The following CDH8 variants were observed in gnomAD, a reference collection of about 807,000 sequenced individuals.
The protein encoded by CDH8 is cadherin 8, also known as cadherin-8.
A neutral mutation model predicts 68.1 loss-of-function variants in CDH8; 17 were observed. The ratio of observed to expected loss-of-function variants is 0.25; its 90% CI spans 0.17 to 0.37. The LOEUF is 0.37. Ranked by LOEUF, CDH8 falls within the 10% of genes least tolerant of loss-of-function variation. The probability of loss-of-function intolerance (pLI) is 1.00; values close to 1 mark genes in which losing one functional copy is unlikely to be tolerated. For synonymous variants in CDH8, 372 were observed against 365.1 expected, an observed-to-expected ratio of 1.02 and a Z score of -0.21; for missense variants, 763 against 999.3, an observed-to-expected ratio of 0.76 and a Z score of 3.19.
intron 10 of CDH8, among the ~76,000 whole-genome samples, chr16:61,678,777 G>A (rs11642726): frequency 0.27 from 41,464 of 151,814 alleles, 5,848 homozygotes; most frequent in African/African-American, 0.32. Context: ...ATAATTGTAG[G>A]AAGCCATATT....
intron 2 of CDH8, among the ~76,000 whole-genome samples, chr16:61,964,738 TTCTC>T (rs1323159802): frequency 6.6e-6 from 1 of 152,082 alleles, no homozygotes; most frequent in African/African-American, 2.4e-5. Flanking sequence ...GCACAATCGA[TTCTC>T]TCTCCTAACT....
chr16:61,992,077 T>TGAGAGA (rs1555527811), intron 2 of CDH8, among the ~76,000 whole-genome samples: 12 of 144,246 alleles, frequency 8.3e-5, no homozygotes, highest in African/African-American at 3.1e-4. Flanking sequence ...TGTGTGTGTG[T>TGAGAGA]GAGAGAGAGA....
chr16:61,718,099 G>A (rs144017040), intron 9 of CDH8, among the ~76,000 whole-genome samples: 2 of 151,260 alleles, frequency 1.3e-5, no homozygotes, highest in Non-Finnish European at 3.0e-5. Flanking sequence ...CAATATGCCA[G>A]GCGTCCTCAA....
At chr16:61,844,118 C>T (rs1227319716) in intron 4 of CDH8, among the ~76,000 whole-genome samples, 1 of 151,898 alleles carries the variant, frequency 6.6e-6, no homozygotes, top group African/African-American at 2.4e-5. Flanking sequence ...GACTTCATGT[C>T]CTTTGTAGGG....
chr16:61,934,253 G>GAA (rs1258187462), intron 2 of CDH8: 2 of 152,118 alleles, frequency 1.3e-5, no homozygotes, highest in African/African-American at 4.8e-5. Flanking sequence ...AGAAGCTTTA[G>GAA]AGGAAAAATA....
At chr16:61,712,170 C>T (rs1467775785) in intron 10 of CDH8, among the ~76,000 whole-genome samples, 1 of 151,626 alleles carries the variant, frequency 6.6e-6, no homozygotes, top group Non-Finnish European at 1.5e-5. Context: ...CTTTTACCTT[C>T]TACTAATTCC....
intron 7 of CDH8, among the ~76,000 whole-genome samples, chr16:61,798,126 C>T (rs948242867): frequency 6.6e-6 from 1 of 151,830 alleles, no homozygotes; most frequent in Non-Finnish European, 1.5e-5. Context: ...AACTTTTTTC[C>T]CCTGGAGCCA....
At chr16:61,935,958 A>G (rs940346257) in intron 2 of CDH8, among the ~76,000 whole-genome samples, 3 of 152,154 alleles carry the variant, frequency 2.0e-5, no homozygotes, top group Admixed American at 2.0e-4. Context: ...GAAGGTTTAC[A>G]GCACAAGCTC....
chr16:61,699,369 G>T (rs1055102633), intron 10 of CDH8, among the ~76,000 whole-genome samples: 2 of 152,078 alleles, frequency 1.3e-5, no homozygotes, highest in African/African-American at 4.8e-5. Context: ...CTTTTAAGAA[G>T]AAAATGAACA....
rs370316637 is a variant in CDH8 at position 61,653,753 on chromosome 16, C to G, written c.2255G>C (p.Arg752Pro). The G allele has an allele frequency of 1.2e-6, 2 of 1,614,050 alleles. No individual in the cohort carries two copies. Among genetic ancestry groups the G allele is most frequent in the African/African-American group, 1.3e-5 (1 of 74,904 alleles). Residue 752 changes from arginine to proline, a missense_variant, in exon 12 of 12, where the codon CGA becomes CCA. This residue lies in a region of CDH8 where 397 missense variants were observed against 436.2 expected (regional missense o/e 0.91). Coordinates refer to ENST00000577390, the MANE Select transcript of CDH8 (RefSeq NM_001796.5). ...DSIQIYGYEGRGSVAGSLSSL... is the reference protein window; with the variant it reads ...DSIQIYGYEGPGSVAGSLSSL... ...GCTGAGGGAGCCAGCCACTGACCCTCGGCCTTCATAGCCATATATCTGAAT... is the reference window on the plus strand; with the variant it reads ...GCTGAGGGAGCCAGCCACTGACCCTGGGCCTTCATAGCCATATATCTGAAT...
At chr16:61,739,061 T>C (rs551675414) in intron 8 of CDH8, among the ~76,000 whole-genome samples, 1 of 152,306 alleles carries the variant, frequency 6.6e-6, no homozygotes, top group African/African-American at 2.4e-5. Flanking sequence ...GTAAACTAAG[T>C]CTTCTTTGCA....
chr16:61,968,101 G>A (rs1483817685), intron 2 of CDH8, among the ~76,000 whole-genome samples: 2 of 152,140 alleles, frequency 1.3e-5, no homozygotes, highest in Admixed American at 6.5e-5. Context: ...CAACCGGGCT[G>A]GGCCTAGAGA....
intron 3 of CDH8, among the ~76,000 whole-genome samples, chr16:61,867,279 G>T (rs1341607079): frequency 6.6e-6 from 1 of 152,088 alleles, no homozygotes; most frequent in Non-Finnish European, 1.5e-5. Flanking sequence ...TCCTATTTGA[G>T]CCCTTCATTG....
intron 10 of CDH8, among the ~76,000 whole-genome samples, chr16:61,685,696 A>G (rs1039027768): frequency 2.6e-5 from 4 of 152,026 alleles, no homozygotes; most frequent in African/African-American, 9.6e-5. Context: ...AGCAAGGTCA[A>G]TTTATTATTA....
intron 7 of CDH8, among the ~76,000 whole-genome samples, chr16:61,804,245 A>C (rs944449657): frequency 4.6e-5 from 7 of 152,038 alleles, no homozygotes; most frequent in African/African-American, 1.7e-4. Context: ...ATGAAGGCAG[A>C]AATAAAGATG....
intron 2 of CDH8, among the ~76,000 whole-genome samples, chr16:62,005,329 G>A (rs1000560525): frequency 1.3e-5 from 2 of 152,162 alleles, no homozygotes; most frequent in Non-Finnish European, 2.9e-5. Context: ...CCTGGCCTGC[G>A]TTATGTAGCA....
At chr16:61,997,066 T>A (rs1264975077) in intron 2 of CDH8, among the ~76,000 whole-genome samples, 2 of 152,030 alleles carry the variant, frequency 1.3e-5, no homozygotes, top group African/African-American at 4.8e-5. Flanking sequence ...AGTGTTTTTT[T>A]AAAAAAGAAT....
intron 2 of CDH8, among the ~76,000 whole-genome samples, chr16:61,933,238 G>A (rs1402545162): frequency 1.3e-5 from 2 of 152,130 alleles, no homozygotes; most frequent in Non-Finnish European, 2.9e-5. Context: ...AATATTATTC[G>A]AAGTGTTTCA....
intron 10 of CDH8, among the ~76,000 whole-genome samples, chr16:61,705,976 C>A (rs1013210798): frequency 6.6e-6 from 1 of 152,126 alleles, no homozygotes; most frequent in Non-Finnish European, 1.5e-5. Flanking sequence ...TGCTTTATTT[C>A]CAATTCCAAT....
Sources: allele counts gnomAD v4.1 joint callset (sites outside exome capture counted in the v4.1 genomes callset), GRCh38; gene constraint gnomAD v4.1.1; regional missense constraint gnomAD v4.1.1; transcripts MANE v1.5; gene names NCBI Gene and HGNC (gene_info 2026-07-23, HGNC 2026-07-21).